BICRAL: variants seen among roughly 807,000 people sequenced by gnomAD.
BICRAL encodes the protein BRD4-interacting chromatin-remodeling complex-associated protein-like.
BICRAL carries 8 observed loss-of-function variants against 91.8 expected under a neutral mutation model. That is an observed-to-expected ratio of 0.09 (90% CI 0.05 to 0.16). The LOEUF is 0.16. Ranked by LOEUF, BICRAL falls within the 10% of genes least tolerant of loss-of-function variation. The pLI, the probability that BICRAL is intolerant of heterozygous loss-of-function variation, is 1.00. For synonymous variants in BICRAL, 445 were observed against 491.1 expected (o/e 0.91, Z 1.24); for missense variants, 1,038 against 1,310.9 (o/e 0.79, Z 3.21).
chr6:42,856,824 A>G (rs1765374127), intron 9 of BICRAL, among the ~76,000 whole-genome samples: 2 of 152,124 alleles, frequency 1.3e-5, no homozygotes, highest in East Asian at 3.9e-4. Flanking sequence ...TTAGTTGGCC[A>G]ATGGTCAGGC....
intron 1 of BICRAL, among the ~76,000 whole-genome samples, chr6:42,793,758 A>T (rs1582823322): frequency 7.2e-6 from 1 of 138,306 alleles, no homozygotes. Context: ...AGGCCTCAAG[A>T]TGACTTTTTT....
chr6:42,796,753 A>C (rs1763421468), intron 1 of BICRAL, among the ~76,000 whole-genome samples: 2 of 152,056 alleles, frequency 1.3e-5, no homozygotes, highest in African/African-American at 4.8e-5. Context: ...TGGGTATAGG[A>C]TAATGAGCTG....
Position 42,828,757 on chromosome 6 carries a change from C to T in BICRAL, c.424C>T (p.His142Tyr). Reference protein sequence around the residue: ...SSQQFAQAQLHPSSSASFTQA... With the variant: ...SSQQFAQAQLYPSSSASFTQA... Reference sequence around the variant, plus strand: ...CCAACAGTTTGCACAAGCTCAGCTTCATCCTTCTTCATCAGCATCCTTTAC... The same window carrying T: ...CCAACAGTTTGCACAAGCTCAGCTTTATCCTTCTTCATCAGCATCCTTTAC... The change falls in exon 6 of 13, where the codon CAT becomes TAT. Residue 142 changes from histidine (H) to tyrosine (Y), a missense_variant. This residue lies in a region of BICRAL where 532 missense variants were observed against 724.9 expected (regional missense o/e 0.73). Coordinates refer to ENST00000314073, the MANE Select transcript of BICRAL (RefSeq NM_001393499.1). 11 of 1,614,212 alleles carry T rather than the reference C, an allele frequency of 6.8e-6. No homozygotes were observed. The highest frequency in any genetic ancestry group is 9.3e-6 in the Non-Finnish European group (11 of 1,180,028).
intron 1 of BICRAL, among the ~76,000 whole-genome samples, chr6:42,774,378 A>T (rs1246399496): frequency 6.6e-6 from 1 of 152,166 alleles, no homozygotes; most frequent in Non-Finnish European, 1.5e-5. Flanking sequence ...AGAGAGGAAG[A>T]GCAAATTCAG....
chr6:42,821,562 C>T (rs1764137355), intron 2 of BICRAL, among the ~76,000 whole-genome samples: 1 of 152,074 alleles, frequency 6.6e-6, no homozygotes, highest in Admixed American at 6.6e-5. Context: ...TAAAGATAGC[C>T]AGAATATGGC....
rs563609955 is a variant in BICRAL at position 42,865,672 on chromosome 6, G to GA, written c.*229dup. The GA allele has an allele frequency of 2.9e-4, 150 of 518,568 alleles. 1 individual carries two copies. The East Asian group carries it at 4.5e-3, about 15-fold the overall frequency. 32.1% of individuals were successfully genotyped at this position (518,568 alleles called of 1,614,324 possible). ...CCTTTAGTAAAATTAATCCTTGGCA[G>GA]AAAGCAGTCTGATAGGCCCCACTCA... On this transcript the variant is annotated 3_prime_UTR_variant, in exon 13 of 13. Transcript: ENST00000314073.
chr6:42,757,080 A>G (rs1421801615), intron 1 of BICRAL, among the ~76,000 whole-genome samples: 4 of 151,674 alleles, frequency 2.6e-5, no homozygotes, highest in African/African-American at 4.8e-5. Flanking sequence ...TGACACTTCT[A>G]TTGCATTCAT....
chr6:42,865,387 G>A lies in BICRAL; in HGVS notation c.3181G>A (p.Gly1061Ser). The part of the protein sequence containing the change: ...LEKFIPDHSE[G>S]VVETDSILEA... ...AAAGTTCATCCCGGACCACAGTGAAGGTGTTGTAGAAACTGACTCCATTTT... is the reference window on the plus strand; with the variant it reads ...AAAGTTCATCCCGGACCACAGTGAAAGTGTTGTAGAAACTGACTCCATTTT... Residue 1061 changes from glycine to serine, a missense_variant, in exon 13 of 13, where the codon GGT (glycine) becomes AGT (serine). Gly to Ser is a moderately conservative substitution (Grantham distance 56, BLOSUM62 0). Coordinates refer to ENST00000314073, the MANE Select transcript of BICRAL (RefSeq NM_001393499.1). 6.2e-7 allele frequency: 1 copy of A among 1,613,554 alleles called. No homozygotes were observed. Among genetic ancestry groups the A allele is most frequent in the Non-Finnish European group, 8.5e-7 (1 of 1,179,530 alleles).
intron 6 of BICRAL, 54 bp downstream of exon 6, chr6:42,830,226 A>G (rs753611286): frequency 6.4e-7 from 1 of 1,553,880 alleles, no homozygotes; most frequent in African/African-American, 1.4e-5. Flanking sequence ...GAAAAATGAG[A>G]TGTGTATTTA....
chr6:42,789,724 A>G (rs943574578), intron 1 of BICRAL, among the ~76,000 whole-genome samples: 3 of 152,208 alleles, frequency 2.0e-5, no homozygotes, highest in Non-Finnish European at 4.4e-5. Context: ...TTGCTTTAGA[A>G]ATGAAATTTC....
At chr6:42,776,292 C>T (rs914803561) in intron 1 of BICRAL, among the ~76,000 whole-genome samples, 6 of 152,192 alleles carry the variant, frequency 3.9e-5, no homozygotes, top group African/African-American at 1.4e-4. Flanking sequence ...CTATCTTGGC[C>T]TCCCAAAGTG....
In BICRAL at chr6:42,821,611, G is replaced by A. The variant is rs143553326; in HGVS notation, c.-5-407G>A. ...TGCTCACCATGTTTAGGAACATTGA[G>A]TCACAAAATTAAAAGACCTCTATGT... On this transcript the variant is annotated intron_variant, in intron 2 of 12. Transcript: ENST00000314073. Among the ~76,000 whole-genome samples the A allele has an allele frequency of 1.4e-4, 22 of 152,266 alleles. No homozygotes were observed. In the East Asian group the frequency reaches 4.0e-3, roughly 28 times the overall value.
At chr6:42,850,624 G>A (rs1009725770) in intron 6 of BICRAL, among the ~76,000 whole-genome samples, 3 of 152,044 alleles carry the variant, frequency 2.0e-5, no homozygotes, top group Non-Finnish European at 2.9e-5. Context: ...GGTGGCTCAC[G>A]TTTGTAATCC....
upstream of BICRAL, among the ~76,000 whole-genome samples, chr6:42,780,046 A>G (rs148040687): frequency 6.6e-6 from 1 of 152,162 alleles, no homozygotes; most frequent in African/African-American, 2.4e-5. Flanking sequence ...AACTACAGGC[A>G]TGTGCCACAC....
At chr6:42,784,117 A>C in intron 1 of BICRAL, among the ~76,000 whole-genome samples, 1 of 152,228 alleles carries the variant, frequency 6.6e-6, no homozygotes, top group Non-Finnish European at 1.5e-5. Context: ...GATGGGTTCC[A>C]GTTTTTTGAA....
At position 42,866,745 on chromosome 6, in the gene BICRAL, T is replaced by A. The variant is rs1462614923; in HGVS notation, c.*1299T>A. 4.4e-6 allele frequency: 2 copies of A among 454,988 alleles called. No homozygotes were observed. Among genetic ancestry groups the A allele is most frequent in the Non-Finnish European group, 8.8e-6 (2 of 226,210 alleles). The allele number at this position is 454,988 out of a possible 1,614,324, so 28.2% of individuals were successfully genotyped here. A position where few individuals can be genotyped will look rare whatever the true frequency, so the allele number is the denominator to read the frequency against. ...GTTCATATTAGTGAGCATGGCTTAC[T>A]GCTTTATTTATTTTTATTTCTTGTC... On this transcript the variant is annotated 3_prime_UTR_variant, in exon 13 of 13. Coordinates refer to ENST00000314073, the MANE Select transcript of BICRAL (RefSeq NM_001393499.1).
intron 1 of BICRAL, among the ~76,000 whole-genome samples, chr6:42,761,742 C>G (rs888171295): frequency 6.6e-6 from 1 of 151,476 alleles, no homozygotes; most frequent in Non-Finnish European, 1.5e-5. Context: ...ACCCTGCCAT[C>G]TCTATAAAAA....
chr6:42,770,156 AT>A (rs1762696745), intron 1 of BICRAL, among the ~76,000 whole-genome samples: 2 of 151,964 alleles, frequency 1.3e-5, no homozygotes, highest in Non-Finnish European at 2.9e-5. Flanking sequence ...TCCCCATGTG[AT>A]TTGGAGAACT....
At chr6:42,788,359 G>A (rs570056820) in intron 1 of BICRAL, among the ~76,000 whole-genome samples, 1 of 151,460 alleles carries the variant, frequency 6.6e-6, no homozygotes, top group Non-Finnish European at 1.5e-5. Flanking sequence ...CAAGTAGCTA[G>A]AATTACAGGT....
Sources: gnomAD v4.1 joint callset for allele counts (sites outside exome capture counted in the v4.1 genomes callset) on GRCh38, gnomAD v4.1.1 for gene constraint, gnomAD v4.1.1 regional missense constraint, MANE v1.5 for transcripts, NCBI Gene and HGNC (gene_info 2026-07-23, HGNC 2026-07-21) for gene names.